The following RAB17 variants were observed in gnomAD, a reference collection of about 807,000 sequenced individuals.
RAB17 encodes RAB17, member RAS oncogene family.
RAB17 carries 15 observed loss-of-function variants against 19.3 expected under a neutral mutation model. The observed-to-expected ratio is 0.78, with a 90% CI of 0.52 to 1.20. RAB17 has a LOEUF of 1.20. Among genes scored for constraint, RAB17 ranks in the 50% most tolerant of loss-of-function variants. RAB17 has a pLI of 0.00. For synonymous variants in RAB17, 110 were observed against 112.8 expected (o/e 0.97, Z 0.16); for missense variants, 262 against 269.3 (o/e 0.97, Z 0.19).
At chr2:237,579,862 G>C (rs565771899) in intron 2 of RAB17, among the ~76,000 whole-genome samples, 1 of 152,138 alleles carries the variant, frequency 6.6e-6, no homozygotes, top group African/African-American at 2.4e-5. Flanking sequence ...TCTTCTGCCC[G>C]CATGTCCTGC....
intron 1 of RAB17, among the ~76,000 whole-genome samples, chr2:237,589,092 C>T (rs2081372262): frequency 6.6e-6 from 1 of 151,996 alleles, no homozygotes; most frequent in South Asian, 2.1e-4. Flanking sequence ...TGGTGGCACA[C>T]GCTTGTAATC....
rs1025790953 is a variant in RAB17, at chr2:237,574,754, C to T, written c.*265G>A. The T allele has an allele frequency of 1.1e-5, 14 of 1,243,452 alleles. No individual in the cohort carries two copies. In the East Asian group the frequency reaches 3.7e-4, roughly 33 times the overall value. 77.0% of individuals were successfully genotyped at this position (1,243,452 alleles called of 1,614,324 possible). A position where few individuals can be genotyped will look rare whatever the true frequency, so the allele number is the denominator to read the frequency against. On this transcript the variant is annotated 3_prime_UTR_variant, in exon 6 of 6. Transcript: ENST00000264601. ...CTGCCAGGCTGAGGGGGCCACCGTC[C>T]AGGTGGAACAGGCACAGGCATCGGG...
At chr2:237,581,621 C>T (rs976200316) in intron 2 of RAB17, among the ~76,000 whole-genome samples, 1 of 152,086 alleles carries the variant, frequency 6.6e-6, no homozygotes, top group African/African-American at 2.4e-5. Flanking sequence ...AAATAAACAG[C>T]CAATTCTGCT....
intron 2 of RAB17, among the ~76,000 whole-genome samples, chr2:237,580,631 C>T (rs903100785): frequency 2.0e-5 from 3 of 151,978 alleles, no homozygotes; most frequent in Non-Finnish European, 4.4e-5. Flanking sequence ...CCCAGCTACT[C>T]GGGAGGCCGA....
At chr2:237,590,303 A>G (rs1301374787) in intron 1 of RAB17, among the ~76,000 whole-genome samples, 164 bp downstream of exon 1, 1 of 152,170 alleles carries the variant, frequency 6.6e-6, no homozygotes, top group Non-Finnish European at 1.5e-5. Context: ...TCCTTTGATT[A>G]TACACACATG....
Position 237,574,486 on chromosome 2 carries a change from C to T in RAB17, c.*533G>A. 6.4e-7 allele frequency: 1 copy of T among 1,550,752 alleles called. No individual in the cohort carries two copies. Among genetic ancestry groups the T allele is most frequent in the Non-Finnish European group, 8.7e-7 (1 of 1,146,992 alleles). ...GGAAGGGAACTGGCGCCACTGCCCCCAGCTGCCCTTCCCAGGGGCAACTTC... is the reference window on the plus strand; with the variant it reads ...GGAAGGGAACTGGCGCCACTGCCCCTAGCTGCCCTTCCCAGGGGCAACTTC... On this transcript the variant is annotated 3_prime_UTR_variant, in exon 6 of 6. Transcript: ENST00000264601.
chr2:237,589,992 T>C (rs546698593), intron 1 of RAB17, among the ~76,000 whole-genome samples: 5 of 152,304 alleles, frequency 3.3e-5, no homozygotes, highest in Admixed American at 6.5e-5. Context: ...CACCTGTACA[T>C]TGCATTCAGA....
intron 3 of RAB17, 36 bp downstream of exon 3, chr2:237,577,968 G>A: frequency 6.4e-7 from 1 of 1,565,986 alleles, no homozygotes; most frequent in Non-Finnish European, 8.7e-7. Context: ...AGGTGCTTGG[G>A]AAGGAGGGTG....
intron 2 of RAB17, among the ~76,000 whole-genome samples, chr2:237,583,302 G>C (rs1293376240): frequency 6.6e-6 from 1 of 152,176 alleles, no homozygotes; most frequent in Non-Finnish European, 1.5e-5. Context: ...ACTCCAGCCT[G>C]GGTGACAGAG....
chr2:237,587,869 A>AAAGAAAAAGG (rs2081362762), intron 1 of RAB17, among the ~76,000 whole-genome samples: 1 of 152,128 alleles, frequency 6.6e-6, no homozygotes, highest in Non-Finnish European at 1.5e-5. Context: ...AAAGAAAAAG[A>AAAGAAAAAGG]AAAAGAAAAG....
intron 2 of RAB17, among the ~76,000 whole-genome samples, chr2:237,582,124 C>T (rs2081313791): frequency 6.6e-6 from 1 of 152,274 alleles, no homozygotes; most frequent in African/African-American, 2.4e-5. Context: ...GCCTCTGCTC[C>T]TGCCTGCTCT....
At chr2:237,575,194 G>C in intron 5 of RAB17, 66 bp from the exon 6 acceptor site, 2 of 1,370,756 alleles carry the variant, frequency 1.5e-6, no homozygotes, top group Non-Finnish European at 2.0e-6. Flanking sequence ...CAGCCCTGCA[G>C]ACCAGCCACC....
chr2:237,586,722 A>G (rs1419869219), intron 1 of RAB17, among the ~76,000 whole-genome samples: 1 of 152,204 alleles, frequency 6.6e-6, no homozygotes, highest in Non-Finnish European at 1.5e-5. Flanking sequence ...TCGTGATCAA[A>G]ATAAACGTGG....
chr2:237,578,086 C>A lies in RAB17; in HGVS notation c.227G>T (p.Gly76Val). ...SLKLEIWDTA[G>V]QEKYHSVCHL... ...GCAGACGCTGTGGTACTTCTCCTGG[C>A]CAGCTGTGTCCCAGATCTCAAGCTT... is the stretch of plus-strand genomic sequence containing the variant. The change falls in exon 3 of 6, where the codon GGC (glycine) becomes GTC (valine). Residue 76 changes from glycine to valine, a missense_variant. Gly to Val is a moderately radical substitution (Grantham distance 109). Transcript: ENST00000264601. 1.2e-6 allele frequency: 2 copies of A among 1,613,964 alleles called. No homozygotes were observed. Among genetic ancestry groups the A allele is most frequent in the Admixed American group, 1.7e-5 (1 of 60,012 alleles).
At chr2:237,587,804 T>C (rs1214930249) in intron 1 of RAB17, among the ~76,000 whole-genome samples, 1 of 132,858 alleles carries the variant, frequency 7.5e-6, no homozygotes, top group Non-Finnish European at 1.6e-5. Flanking sequence ...ATAAAAAACA[T>C]AACATTAAGT....
chr2:237,584,139 C>T (rs559350043), intron 2 of RAB17, among the ~76,000 whole-genome samples: 1 of 152,202 alleles, frequency 6.6e-6, no homozygotes, highest in Admixed American at 6.5e-5. Context: ...CTGTAAAATA[C>T]AGAATGCCCG....
rs763903622 is a variant in RAB17 at position 237,586,140 on chromosome 2, G to T, written c.15C>A (p.His5Gln). Residue 5 changes from histidine to glutamine, a missense_variant, in exon 2 of 6, where the codon CAC (histidine) becomes CAA (glutamine). Physicochemically the swap from His to Gln is conservative, Grantham distance 24. Transcript: ENST00000264601. Reference sequence around the variant, plus strand: ...GGGCAGCCCTGGGCTGGGGGGTCCTGTGTGCCTGTGCCATGCCCTGCAAAG... The same window carrying T: ...GGGCAGCCCTGGGCTGGGGGGTCCTTTGTGCCTGTGCCATGCCCTGCAAAG... MAQA[H>Q]RTPQPRAAPS... is the part of the protein sequence containing the mutation. 6.2e-7 allele frequency: 1 copy of T among 1,602,294 alleles called. No homozygotes were observed. The highest frequency in any genetic ancestry group is 8.5e-7 in the Non-Finnish European group (1 of 1,175,520).
chr2:237,583,279 A>C (rs994170136), intron 2 of RAB17, among the ~76,000 whole-genome samples: 1 of 152,174 alleles, frequency 6.6e-6, no homozygotes, highest in African/African-American at 2.4e-5. Flanking sequence ...CAGAGGTTCC[A>C]GTGAGACACT....
intron 2 of RAB17, among the ~76,000 whole-genome samples, chr2:237,580,476 C>T (rs1158170815): frequency 5.3e-5 from 8 of 152,096 alleles, no homozygotes; most frequent in African/African-American, 1.9e-4. Flanking sequence ...CACAGTGGCT[C>T]ATGCCTGTAA....
Sources: allele counts gnomAD v4.1 joint callset (sites outside exome capture counted in the v4.1 genomes callset), GRCh38; gene constraint gnomAD v4.1.1; transcripts MANE v1.5; gene names NCBI Gene and HGNC (gene_info 2026-07-23, HGNC 2026-07-21).